The following ELAVL3 variants were observed in gnomAD, a reference collection of about 807,000 sequenced individuals.
ELAVL3 encodes ELAV-like protein 3.
Under a neutral mutation model 34.2 loss-of-function variants are expected in ELAVL3, and 8 were observed. The observed-to-expected ratio is 0.23, with a 90% CI of 0.14 to 0.42. The LOEUF (loss-of-function observed/expected upper bound fraction) is 0.42. Among genes scored for constraint, ELAVL3 ranks in the 10% least tolerant of loss-of-function variants. The pLI is 1.00. For synonymous variants in ELAVL3, 209 were observed against 222.1 expected (o/e 0.94, Z 0.53); for missense variants, 273 against 518.8 (o/e 0.53, Z 4.60).
chr19:11,467,292 C>G (rs964173197), intron 1 of ELAVL3, among the ~76,000 whole-genome samples: 1 of 151,708 alleles, frequency 6.6e-6, no homozygotes, highest in Non-Finnish European at 1.5e-5. Flanking sequence ...CGTGGTGGCG[C>G]ATGCCTGTAA....
At chr19:11,461,092 T>C (rs1054862100) in intron 3 of ELAVL3, among the ~76,000 whole-genome samples, 3 of 150,680 alleles carry the variant, frequency 2.0e-5, no homozygotes, top group Non-Finnish European at 4.4e-5. Context: ...GGCTGGAGGA[T>C]CACTTGAACC....
rs1333179943 is a variant in ELAVL3, at chr19:11,451,655, C to T, written c.*2871G>A. 6.6e-6 allele frequency: 1 copy of T among 151,868 alleles called. No individual in the cohort carries two copies. The highest frequency in any genetic ancestry group is 1.5e-5 in the Non-Finnish European group (1 of 67,872). 9.4% of individuals were successfully genotyped at this position (151,868 alleles called of 1,614,324 possible). On this transcript the variant is annotated 3_prime_UTR_variant, in exon 7 of 7. Transcript: ENST00000359227. Reference sequence around the variant, plus strand: ...CTGCCCCCCAGGGACGTGGAAGCCCCAAGTCCCCCTCGCCTGGGAGCCCCG... The same window carrying T: ...CTGCCCCCCAGGGACGTGGAAGCCCTAAGTCCCCCTCGCCTGGGAGCCCCG...
Position 11,458,237 on chromosome 19 carries a change from G to A in ELAVL3, c.537C>T (p.Ala179=), listed in dbSNP as rs114284954. ...CATTCAGTCCTTTGATAGCCTCTTC[G>A]GCCTCAATCCTCTTGTCAAAGCGGA... The part of the protein sequence containing the change: ...GFIRFDKRIE[A]EEAIKGLNGQ... Residue 179 remains alanine (A), a synonymous_variant, in exon 5 of 7, where the codon GCC becomes GCT. Transcript: ENST00000359227. The surrounding 1 kb of genome is among the most constrained non-coding windows in gnomAD (Gnocchi z 7.3). 6.1e-4 allele frequency: 985 copies of A among 1,613,982 alleles called. 10 individuals are homozygous for A. The African/African-American group carries it at 0.012, about 20-fold the overall frequency.
At position 11,454,516 on chromosome 19, in the gene ELAVL3, C is replaced by A; in HGVS notation, c.*10G>T. 1.3e-6 allele frequency: 2 copies of A among 1,570,496 alleles called. No individual in the cohort carries two copies. Among genetic ancestry groups the A allele is most frequent in the Non-Finnish European group, 1.7e-6 (2 of 1,156,060 alleles). On this transcript the variant is annotated 3_prime_UTR_variant, in exon 7 of 7. Coordinates refer to ENST00000359227, the MANE Select transcript of ELAVL3 (RefSeq NM_001420.4). This position sits in a 1 kb window ranked among gnomAD's most constrained non-coding sequence, Gnocchi z 9.2. ...CCCGGGGAGGGGGTGGGAGGGCAGG[C>A]GGGGTGGGCTCACGCCTTGTGCTGT...
rs925088801 is a variant in ELAVL3 at position 11,480,520 on chromosome 19, C to G, written c.9+80G>C. 17 of 1,426,368 alleles carry G rather than the reference C, an allele frequency of 1.2e-5. 1 individual carries two copies. The African/African-American group carries it at 2.5e-4, about 21-fold the overall frequency. 88.4% of individuals were successfully genotyped at this position (1,426,368 alleles called of 1,614,324 possible). On this transcript the variant is annotated intron_variant, in intron 1 of 6. Transcript: ENST00000359227. The surrounding 1 kb of genome is among the most constrained non-coding windows in gnomAD (Gnocchi z 6.8). ...CTAGGCCTGGTCCTACCCCCCCCGCCGCACCCGCCCAATCTCCGCGGAGCC... is the reference window on the plus strand; with the variant it reads ...CTAGGCCTGGTCCTACCCCCCCCGCGGCACCCGCCCAATCTCCGCGGAGCC...
intron 3 of ELAVL3, among the ~76,000 whole-genome samples, chr19:11,465,595 C>CG (rs141445374): frequency 1.3e-5 from 2 of 151,990 alleles, no homozygotes; most frequent in African/African-American, 4.8e-5. Flanking sequence ...GCCACCCCCC[C>CG]GACCCTGGCT....
chr19:11,468,783 T>C (rs2144901823), intron 1 of ELAVL3, among the ~76,000 whole-genome samples: 1 of 152,324 alleles, frequency 6.6e-6, no homozygotes, highest in East Asian at 1.9e-4. Flanking sequence ...ACATGATCTT[T>C]GCTATGGGTT....
intron 1 of ELAVL3, among the ~76,000 whole-genome samples, chr19:11,473,380 A>G (rs1043867164): frequency 6.6e-6 from 1 of 151,692 alleles, no homozygotes; most frequent in Admixed American, 6.6e-5. Context: ...AAGAAAAGAG[A>G]AAAGAAAAGA....
At chr19:11,465,056 TA>T (rs1971007908) in intron 3 of ELAVL3, among the ~76,000 whole-genome samples, 1 of 42,534 alleles carries the variant, frequency 2.4e-5, no homozygotes. Context: ...CATACACACA[TA>T]CACACATCCC....
chr19:11,464,957 ACACG>A (rs1971000576), intron 3 of ELAVL3, among the ~76,000 whole-genome samples: 1 of 124,278 alleles, frequency 8.0e-6, no homozygotes, highest in African/African-American at 3.4e-5. Flanking sequence ...CACACCACAC[ACACG>A]CACCAGACAC....
chr19:11,464,640 CACAT>C (rs1568382326), intron 3 of ELAVL3, among the ~76,000 whole-genome samples: 1 of 133,646 alleles, frequency 7.5e-6, no homozygotes, highest in African/African-American at 2.9e-5. Flanking sequence ...ACACACACCA[CACAT>C]ACACATACAT....
chr19:11,471,986 G>A (rs997368744), intron 1 of ELAVL3, among the ~76,000 whole-genome samples: 1 of 152,218 alleles, frequency 6.6e-6, no homozygotes, highest in Non-Finnish European at 1.5e-5. Flanking sequence ...AGAAGGTCAA[G>A]TAGCCAGCAT....
rs1002573847 is a variant in ELAVL3 at position 11,458,654 on chromosome 19, A to G, written c.334-43T>C. 6 of 1,606,882 alleles carry G rather than the reference A, an allele frequency of 3.7e-6. No individual in the cohort carries two copies. The highest frequency in any genetic ancestry group is 1.3e-5 in the African/African-American group (1 of 74,886). ...ATGGACAGGGGTGAGGCAGAGACCC[A>G]TTTCACAGATGGAGAGAGTGAGGCC... is the stretch of plus-strand genomic sequence containing the variant. On this transcript the variant is annotated intron_variant, in intron 3 of 6. Transcript: ENST00000359227. This position sits in a 1 kb window ranked among gnomAD's most constrained non-coding sequence, Gnocchi z 7.3.
At position 11,452,118 on chromosome 19, in the gene ELAVL3, AAAG is replaced by A. The variant is rs1193019801; in HGVS notation, c.*2405_*2407del. On this transcript the variant is annotated 3_prime_UTR_variant, in exon 7 of 7. Coordinates refer to ENST00000359227, the MANE Select transcript of ELAVL3 (RefSeq NM_001420.4). ...GAAAAAATTCTCAAGACAAGAGCAAAAAGAATCCCATTGGTGACCTGGACGTCG... is the reference window on the plus strand; with the variant it reads ...GAAAAAATTCTCAAGACAAGAGCAAAAATCCCATTGGTGACCTGGACGTCG... 3 of 152,262 alleles carry A rather than the reference AAAG, an allele frequency of 2.0e-5. No individual in the cohort carries two copies. The East Asian group carries it at 5.8e-4, about 29-fold the overall frequency. 9.4% of individuals were successfully genotyped at this position (152,262 alleles called of 1,614,324 possible).
In ELAVL3 at chr19:11,454,909, A is replaced by G; in HGVS notation, c.753-32T>C. ...TGGGGGTCACGCGGGCTCTGCCCTG[A>G]CCCCCCGCATGCTTCTGACCCCGTT... On this transcript the variant is annotated intron_variant, in intron 6 of 6. Coordinates refer to ENST00000359227, the MANE Select transcript of ELAVL3 (RefSeq NM_001420.4). The surrounding 1 kb of genome is among the most constrained non-coding windows in gnomAD (Gnocchi z 9.2). 1 of 1,560,310 alleles carries G rather than the reference A, an allele frequency of 6.4e-7. No homozygotes were observed.
intron 6 of ELAVL3, among the ~76,000 whole-genome samples, chr19:11,455,299 A>ATTT (rs566267500): frequency 4.9e-5 from 6 of 123,008 alleles, no homozygotes; most frequent in African/African-American, 5.9e-5. Context: ...TGCCCCACTA[A>ATTT]TTTTTTTTTT....
chr19:11,478,360 T>C (rs1971302238), intron 1 of ELAVL3, among the ~76,000 whole-genome samples: 1 of 152,100 alleles, frequency 6.6e-6, no homozygotes, highest in Non-Finnish European at 1.5e-5. Context: ...TCTCGTTTCC[T>C]CTGTGGCTGA....
At chr19:11,479,875 G>T (rs1971339799) in intron 1 of ELAVL3, among the ~76,000 whole-genome samples, 1 of 151,692 alleles carries the variant, frequency 6.6e-6, no homozygotes, top group African/African-American at 2.4e-5. Context: ...GGCTGTCTCG[G>T]CCTCCCACCC....
At chr19:11,455,946 A>G (rs1448993388) in intron 6 of ELAVL3, among the ~76,000 whole-genome samples, 4 of 152,100 alleles carry the variant, frequency 2.6e-5, no homozygotes, top group Non-Finnish European at 5.9e-5. Flanking sequence ...GGCCTGAACC[A>G]TTCAATCCTG....
Sources: allele counts gnomAD v4.1 joint callset (sites outside exome capture counted in the v4.1 genomes callset), GRCh38; gene constraint gnomAD v4.1.1; non-coding constraint Gnocchi (gnomAD v3.1); transcripts MANE v1.5; gene names NCBI Gene and HGNC (gene_info 2026-07-23, HGNC 2026-07-21).